Variants in ALMS1 observed in about 807,000 individuals in gnomAD.
ALMS1 encodes the protein ALMS1 centrosome and basal body associated protein.
Under a neutral mutation model 352.2 loss-of-function variants are expected in ALMS1, and 271 were observed. The observed-to-expected ratio is 0.77, with a 90% CI of 0.70 to 0.85. ALMS1 has a LOEUF of 0.85. Ranked by LOEUF, ALMS1 falls within the 40% of genes least tolerant of loss-of-function variation. ALMS1 has a pLI of 0.00. For missense variants in ALMS1, 5,445 were observed against 4,870.7 expected (o/e 1.12, Z -3.51); for synonymous variants, 1,865 against 1,761.2 (o/e 1.06, Z -1.48).
chr2:73,513,614 A>G (rs1447010764), intron 10 of ALMS1, among the ~76,000 whole-genome samples: 1 of 152,122 alleles, frequency 6.6e-6, no homozygotes, highest in African/African-American at 2.4e-5. Context: ...AGCCTAGGCT[A>G]TCTCTCTGTG....
chr2:73,487,167 G>A (rs559086382), intron 9 of ALMS1, among the ~76,000 whole-genome samples: 1 of 152,316 alleles, frequency 6.6e-6, no homozygotes, highest in Non-Finnish European at 1.5e-5. Context: ...ACACTGCTGG[G>A]CACATTCTCC....
intron 16 of ALMS1, among the ~76,000 whole-genome samples, chr2:73,584,943 C>A (rs1347309688): frequency 6.6e-6 from 1 of 152,206 alleles, no homozygotes; most frequent in Non-Finnish European, 1.5e-5. Context: ...CACATTGCTG[C>A]AAATGCCATT....
chr2:73,508,501 G>A (rs986126286), intron 10 of ALMS1, among the ~76,000 whole-genome samples: 5 of 151,896 alleles, frequency 3.3e-5, no homozygotes, highest in African/African-American at 4.8e-5. Context: ...CACCGCACCC[G>A]GCTGAGTGAG....
intron 16 of ALMS1, among the ~76,000 whole-genome samples, chr2:73,596,661 C>T (rs982465574): frequency 1.3e-5 from 2 of 151,310 alleles, no homozygotes; most frequent in Non-Finnish European, 3.0e-5. Flanking sequence ...TAGTAGAGAC[C>T]GGGTTTCACC....
In ALMS1 at chr2:73,557,224, C is replaced by T. The variant is rs1674565139; in HGVS notation, c.10083C>T (p.Ala3361=). ...CAAATGATGTCGTTATTCCAGATGC[C>T]TCAGTTCAAGTGCTAATCACTGGGG... The part of the protein sequence containing the change: ...EKPLQNENAD[A]SVQVLITGDE... Residue 3361 remains alanine, a synonymous_variant, in exon 14 of 23, where the codon GCC becomes GCT. Transcript: ENST00000613296. 1 of 1,614,016 alleles carries T rather than the reference C, an allele frequency of 6.2e-7. No homozygotes were observed. Among genetic ancestry groups the T allele is most frequent in the East Asian group, 2.2e-5 (1 of 44,868 alleles).
intron 10 of ALMS1, among the ~76,000 whole-genome samples, chr2:73,502,797 G>GTT (rs764839257): frequency 6.6e-6 from 1 of 152,042 alleles, no homozygotes; most frequent in Non-Finnish European, 1.5e-5. Flanking sequence ...CTCCAGTTAT[G>GTT]TTTGTGTGTT....
At chr2:73,560,632 G>T (rs1057281746) in intron 15 of ALMS1, among the ~76,000 whole-genome samples, 2 of 152,152 alleles carry the variant, frequency 1.3e-5, no homozygotes, top group Non-Finnish European at 2.9e-5. Context: ...TAATCAAGAG[G>T]TGGAAGCAAC....
chr2:73,589,055 A>G (rs999766983), intron 16 of ALMS1, among the ~76,000 whole-genome samples: 45 of 152,150 alleles, frequency 3.0e-4, no homozygotes, highest in African/African-American at 9.4e-4. Flanking sequence ...GGAACAAAAT[A>G]TATGTCATAC....
intron 16 of ALMS1, among the ~76,000 whole-genome samples, chr2:73,593,816 C>A (rs141395202): frequency 6.6e-6 from 1 of 152,328 alleles, no homozygotes; most frequent in East Asian, 1.9e-4. Context: ...TTTGCCTATT[C>A]TGGACCTTTC....
intron 16 of ALMS1, among the ~76,000 whole-genome samples, chr2:73,592,279 A>T (rs1675450303): frequency 6.6e-6 from 1 of 152,356 alleles, no homozygotes; most frequent in African/African-American, 2.4e-5. Context: ...GGTAAGTAAT[A>T]GATAGTTACC....
intron 1 of ALMS1, among the ~76,000 whole-genome samples, chr2:73,396,940 AGCCTG>A (rs1418334773): frequency 1.3e-5 from 2 of 152,122 alleles, no homozygotes; most frequent in East Asian, 3.9e-4. Flanking sequence ...TACCGCGCCC[AGCCTG>A]GTTAGGCTCT....
Position 73,609,687 on chromosome 2 carries a change from G to T in ALMS1, c.*75G>T. ...AGAAGCAGAATCCTTACTTTTGTGA[G>T]TCTGGTTGAATAAAGCTTATTCTTT... On this transcript the variant is annotated 3_prime_UTR_variant, in exon 23 of 23. Coordinates refer to ENST00000613296, the MANE Select transcript of ALMS1 (RefSeq NM_001378454.1). The T allele has an allele frequency of 1.4e-6, 2 of 1,408,924 alleles. No individual in the cohort carries two copies. The highest frequency in any genetic ancestry group is 1.0e-6 in the Non-Finnish European group (1 of 993,828). The allele number at this position is 1,408,924 out of a possible 1,614,324, so 87.3% of individuals were successfully genotyped here.
rs1172980872 is a variant in ALMS1 at position 73,490,566 on chromosome 2, T to C, written c.8607T>C (p.Asn2869=). 7 of 1,614,026 alleles carry C rather than the reference T, an allele frequency of 4.3e-6. No individual in the cohort carries two copies. Among genetic ancestry groups the C allele is most frequent in the African/African-American group, 1.3e-5 (1 of 74,916 alleles). ...SSSRLGVKEK[N]VTITPDLPSC... ...CCAGACTAGGAGTAAAAGAGAAGAA[T>C]GTAACTATAACTCCAGATCTTCCTT... Residue 2869 remains asparagine (N), a synonymous_variant, in exon 10 of 23, where the codon AAT becomes AAC. Coordinates refer to ENST00000613296, the MANE Select transcript of ALMS1 (RefSeq NM_001378454.1).
chr2:73,570,725 T>C (rs1674909460), intron 15 of ALMS1, among the ~76,000 whole-genome samples: 1 of 152,156 alleles, frequency 6.6e-6, no homozygotes, highest in Non-Finnish European at 1.5e-5. Context: ...CAGAGCAGCA[T>C]TGGAGGAACT....
chr2:73,442,677 C>T (rs569517694), intron 7 of ALMS1, among the ~76,000 whole-genome samples: 16 of 152,300 alleles, frequency 1.1e-4, no homozygotes, highest in African/African-American at 3.8e-4. Context: ...AGCTTGTTTA[C>T]AGCATCAGGT....
intron 9 of ALMS1, among the ~76,000 whole-genome samples, chr2:73,462,045 G>A (rs9677768): frequency 0.02 from 2,995 of 149,210 alleles, 39 homozygotes; most frequent in African/African-American, 0.062. Context: ...GATATTATCC[G>A]GGAGAACTTC....
chr2:73,600,336 T>C, intron 17 of ALMS1, among the ~76,000 whole-genome samples: 1 of 152,230 alleles, frequency 6.6e-6, no homozygotes, highest in Non-Finnish European at 1.5e-5. Context: ...TGTCAGCCTC[T>C]TCCTTACCTG....
chr2:73,400,686 G>A (rs544828224), intron 1 of ALMS1, among the ~76,000 whole-genome samples: 4 of 152,092 alleles, frequency 2.6e-5, no homozygotes, highest in Admixed American at 6.6e-5. Flanking sequence ...TTAAGAAATC[G>A]TTCATTTTAT....
chr2:73,477,040 A>G (rs1328545142), intron 9 of ALMS1, among the ~76,000 whole-genome samples: 1 of 152,120 alleles, frequency 6.6e-6, no homozygotes, highest in South Asian at 2.1e-4. Flanking sequence ...ATGATTTGCA[A>G]ATATTTTCTC....
Sources: allele counts gnomAD v4.1 joint callset (sites outside exome capture counted in the v4.1 genomes callset), GRCh38; gene constraint gnomAD v4.1.1; transcripts MANE v1.5; gene names NCBI Gene and HGNC (gene_info 2026-07-23, HGNC 2026-07-21).